Variants in EED observed in about 807,000 individuals in gnomAD.
The protein encoded by EED is embryonic ectoderm development, also known as polycomb protein EED.
In EED, 9 loss-of-function variants were observed where a neutral mutation model predicts 61.0. The observed-to-expected ratio is 0.15, with a 90% CI of 0.09 to 0.26. The LOEUF is 0.26. EED is among the 10% of genes least tolerant of loss of function. EED has a pLI of 1.00. For synonymous variants in EED, 187 were observed against 174.4 expected, an observed-to-expected ratio of 1.07 and a Z score of -0.57; for missense variants, 315 against 542.3, an observed-to-expected ratio of 0.58 and a Z score of 4.16.
chr11:86,283,047 A>G (rs527336618), downstream of EED, among the ~76,000 whole-genome samples: 8 of 151,922 alleles, frequency 5.3e-5, no homozygotes, highest in East Asian at 1.5e-3. Flanking sequence ...GGCAGGAGGG[A>G]AAAAAAAGAA....
At chr11:86,256,165 C>G (rs1565692686) in intron 4 of EED, among the ~76,000 whole-genome samples, 1 of 152,132 alleles carries the variant, frequency 6.6e-6, no homozygotes, top group South Asian at 2.1e-4. Flanking sequence ...GTTGTACAAG[C>G]AGCTAAAGAG....
chr11:86,257,122 G>A lies in EED; in HGVS notation c.553-393G>A, dbSNP rs186010719. On this transcript the variant is annotated intron_variant, in intron 5 of 11. Coordinates refer to ENST00000263360, the MANE Select transcript of EED (RefSeq NM_003797.5). ...GCATGATTATAGCTCACTGCAGCCC[G>A]TCTCCTGGGCTCAAGCGATCCTCCT... Among the ~76,000 whole-genome samples the A allele has an allele frequency of 1.9e-3, 282 of 151,310 alleles. 1 individual carries two copies. The highest frequency in any genetic ancestry group is 6.6e-3 in the African/African-American group (273 of 41,156).
At chr11:86,286,834 C>T in the EED span, among the ~76,000 whole-genome samples, 367 of 151,722 alleles carry the variant, frequency 2.4e-3, 2 homozygotes, top group African/African-American at 8.5e-3. Context: ...TAGCCGGGCA[C>T]GGTGGTGGGC....
At chr11:86,269,880 A>G (rs1401423516) in intron 9 of EED, among the ~76,000 whole-genome samples, 1 of 152,136 alleles carries the variant, frequency 6.6e-6, no homozygotes, top group Non-Finnish European at 1.5e-5. Context: ...GGATTACCAT[A>G]GTTTATGTAA....
At chr11:86,272,544 A>G (rs1000943882) in intron 9 of EED, among the ~76,000 whole-genome samples, 15 of 152,162 alleles carry the variant, frequency 9.9e-5, no homozygotes, top group African/African-American at 3.6e-4. Context: ...GAATTCTTCT[A>G]TATCCTTGTT....
chr11:86,248,776 T>G (rs144809864), intron 1 of EED, among the ~76,000 whole-genome samples: 1 of 152,262 alleles, frequency 6.6e-6, no homozygotes, highest in Admixed American at 6.5e-5. Context: ...CCCAGCACTT[T>G]AGGTGGCTGA....
At chr11:86,277,524 A>T (rs933007533) in intron 10 of EED, 2 of 178,388 alleles carry the variant, frequency 1.1e-5, no homozygotes, top group African/African-American at 4.7e-5. Flanking sequence ...AATACTAGTT[A>T]CCTAAAAATT....
At chr11:86,279,400 G>A (rs1490172291), downstream of EED, among the ~76,000 whole-genome samples, 1 of 152,204 alleles carries the variant, frequency 6.6e-6, no homozygotes, top group Non-Finnish European at 1.5e-5. Flanking sequence ...TACTGGCTAA[G>A]AGGGATTAAG....
At chr11:86,264,466 C>T (rs1262820004) in intron 7 of EED, 3 of 402,516 alleles carry the variant, frequency 7.5e-6, no homozygotes, top group East Asian at 3.7e-5. Context: ...TTTTAAATTA[C>T]TTGCACTGTA....
chr11:86,246,754 G>A (rs968875480), intron 1 of EED, among the ~76,000 whole-genome samples: 2 of 152,166 alleles, frequency 1.3e-5, no homozygotes, highest in Admixed American at 6.5e-5. Context: ...AGGCAGATTA[G>A]AGTATTAAGA....
chr11:86,270,959 G>A (rs1209299699), intron 9 of EED, among the ~76,000 whole-genome samples: 3 of 151,820 alleles, frequency 2.0e-5, no homozygotes, highest in East Asian at 3.9e-4. Context: ...GATTTTTCCC[G>A]CTTTTATTTT....
chr11:86,255,993 C>G (rs544729896), intron 4 of EED, among the ~76,000 whole-genome samples: 1 of 152,092 alleles, frequency 6.6e-6, no homozygotes, highest in African/African-American at 2.4e-5. Context: ...CTGAATTGTT[C>G]TTTTTTAGAT....
intron 4 of EED, among the ~76,000 whole-genome samples, chr11:86,255,963 A>G (rs754931530): frequency 2.0e-5 from 3 of 152,224 alleles, no homozygotes; most frequent in Non-Finnish European, 4.4e-5. Flanking sequence ...AGACTGTCTC[A>G]CAAAGAAAAA....
chr11:86,263,431 TTCTGAGTACCAACATTCTG>T (rs772039184), intron 6 of EED, among the ~76,000 whole-genome samples: 3 of 152,204 alleles, frequency 2.0e-5, no homozygotes, highest in Non-Finnish European at 2.9e-5. Flanking sequence ...ATAGTCCCGT[TTCTGAGTACCAACATTCTG>T]TCTGAGTCCA....
intron 3 of EED, 32 bp from the exon 4 acceptor site, chr11:86,255,190 G>A (rs539445726): frequency 5.3e-5 from 82 of 1,532,898 alleles, no homozygotes; most frequent in Non-Finnish European, 7.3e-5. Context: ...CTATACTTGA[G>A]ATGAAATTTA....
At chr11:86,270,168 T>A (rs1349551316) in intron 9 of EED, 2 of 700,404 alleles carry the variant, frequency 2.9e-6, no homozygotes, top group Non-Finnish European at 5.2e-6. Context: ...GTATTGTCAT[T>A]ATTTTTTATT....
rs769108276 is a variant in EED, at chr11:86,264,156, T to A, written c.635-16T>A. 6.3e-7 allele frequency: 1 copy of A among 1,589,744 alleles called. No individual in the cohort carries two copies. Among genetic ancestry groups the A allele is most frequent in the Non-Finnish European group, 8.6e-7 (1 of 1,163,648 alleles). ...AAATAAAAAACATTCGCCTAATTTT[T>A]GTATGTTTATACTAGATCATGCTTT... On this transcript the variant is annotated splice_polypyrimidine_tract_variant and intron_variant, in intron 6 of 11. Coordinates refer to ENST00000263360, the MANE Select transcript of EED (RefSeq NM_003797.5).
intron 9 of EED, among the ~76,000 whole-genome samples, chr11:86,271,406 A>AG (rs920351790): frequency 4.6e-5 from 7 of 152,198 alleles, no homozygotes; most frequent in African/African-American, 1.7e-4. Flanking sequence ...TACATATTCA[A>AG]GGTGTGTTTT....
intron 9 of EED, chr11:86,276,301 G>T (rs1406931802): frequency 6.6e-6 from 1 of 152,134 alleles, no homozygotes; most frequent in Non-Finnish European, 1.5e-5. Flanking sequence ...TGATTTTATA[G>T]GATAGGAAAA....
Sources: gnomAD v4.1 joint callset for allele counts (sites outside exome capture counted in the v4.1 genomes callset) on GRCh38, gnomAD v4.1.1 for gene constraint, MANE v1.5 for transcripts, NCBI Gene and HGNC (gene_info 2026-07-23, HGNC 2026-07-21) for gene names.